PKHD1: variants seen among roughly 807,000 people sequenced by gnomAD.
PKHD1 encodes fibrocystin.
A neutral mutation model predicts 412.0 loss-of-function variants in PKHD1; 291 were observed. The observed-to-expected ratio is 0.71, with a 90% CI of 0.64 to 0.78. PKHD1 has a LOEUF of 0.78. Ranked by LOEUF, PKHD1 falls within the 30% of genes least tolerant of loss-of-function variation. The probability of loss-of-function intolerance (pLI) is 0.00; values close to 1 mark genes in which losing one functional copy is unlikely to be tolerated. For missense variants in PKHD1, 4,825 were observed against 4,950.7 expected, an observed-to-expected ratio of 0.97 and a Z score of 0.76; for synonymous variants, 1,777 against 1,821.5, an observed-to-expected ratio of 0.98 and a Z score of 0.62.
At chr6:51,925,713 T>C (rs1785472176) in intron 37 of PKHD1, among the ~76,000 whole-genome samples, 1 of 152,178 alleles carries the variant, frequency 6.6e-6, no homozygotes, top group Admixed American at 6.6e-5. Context: ...ACTTACACCA[T>C]TGGTCTTCCT....
intron 60 of PKHD1, among the ~76,000 whole-genome samples, chr6:51,704,967 G>A (rs949162141): frequency 1.3e-5 from 2 of 152,048 alleles, no homozygotes; most frequent in Non-Finnish European, 2.9e-5. Context: ...GGGAGAATAT[G>A]AAGAGGAGGC....
At chr6:51,620,787 C>CACAT (rs1766508460) in intron 66 of PKHD1, among the ~76,000 whole-genome samples, 1 of 146,836 alleles carries the variant, frequency 6.8e-6, no homozygotes, top group African/African-American at 2.5e-5. Flanking sequence ...ATTATATATA[C>CACAT]ATATATATAT....
intron 43 of PKHD1, among the ~76,000 whole-genome samples, chr6:51,895,687 C>G (rs1331669506): frequency 6.6e-6 from 1 of 152,130 alleles, no homozygotes; most frequent in Non-Finnish European, 1.5e-5. Context: ...ATAGGAACAG[C>G]TCCGGTCTAC....
chr6:51,857,787 C>A (rs560313604), intron 48 of PKHD1, among the ~76,000 whole-genome samples: 102 of 152,244 alleles, frequency 6.7e-4, no homozygotes, highest in South Asian at 1.7e-3. Context: ...AGATCATTGA[C>A]CCTGGCAATG....
At chr6:51,885,833 C>A in intron 45 of PKHD1, 34 bp downstream of exon 45, 1 of 1,349,792 alleles carries the variant, frequency 7.4e-7, no homozygotes, top group Non-Finnish European at 1.1e-6. Context: ...ATTTTAAAAA[C>A]AACAACAATA....
chr6:51,955,940 T>C (rs1189357853), intron 36 of PKHD1, among the ~76,000 whole-genome samples: 1 of 152,086 alleles, frequency 6.6e-6, no homozygotes, highest in Non-Finnish European at 1.5e-5. Flanking sequence ...TAGTAACTAA[T>C]ATTTGGAGGG....
chr6:51,918,374 G>C (rs1467183861), intron 37 of PKHD1, among the ~76,000 whole-genome samples: 1 of 151,936 alleles, frequency 6.6e-6, no homozygotes, highest in Non-Finnish European at 1.5e-5. Context: ...ACAGGCCCTG[G>C]TGTGTGATGT....
chr6:51,851,480 T>C (rs1386223585), intron 49 of PKHD1, among the ~76,000 whole-genome samples: 14 of 152,248 alleles, frequency 9.2e-5, no homozygotes, highest in Admixed American at 9.2e-4. Flanking sequence ...TGGTACCAGT[T>C]CCTCTTTGTA....
chr6:51,655,621 C>T (rs996718449), intron 61 of PKHD1, among the ~76,000 whole-genome samples: 2 of 152,112 alleles, frequency 1.3e-5, no homozygotes, highest in Non-Finnish European at 2.9e-5. Context: ...TAACAAATTA[C>T]CACAGTCAGT....
At chr6:51,619,774 A>G (rs1169166386) in intron 66 of PKHD1, among the ~76,000 whole-genome samples, 1 of 152,168 alleles carries the variant, frequency 6.6e-6, no homozygotes, top group Admixed American at 6.5e-5. Flanking sequence ...CTAGGCTTCA[A>G]TGCAAAAACC....
In PKHD1 at chr6:51,619,011, T is replaced by TC; in HGVS notation, c.*69dup. The stretch of plus-strand genomic sequence containing the variant: ...TTGTCCCAGCAGGACAGTCCTCACT[T>TC]CCCCAGCTTATTATCCAGAAATACT... On this transcript the variant is annotated 3_prime_UTR_variant, in exon 67 of 67. Transcript: ENST00000371117. 7.0e-7 allele frequency: 1 copy of TC among 1,418,500 alleles called. No individual in the cohort carries two copies. The highest frequency in any genetic ancestry group is 1.7e-5 in the Admixed American group (1 of 59,788). The allele number at this position is 1,418,500 out of a possible 1,614,324, so 87.9% of individuals were successfully genotyped here. A position where few individuals can be genotyped will look rare whatever the true frequency, so the allele number is the denominator to read the frequency against.
chr6:52,022,958 G>C lies in PKHD1; in HGVS notation c.5237-14C>G. The C allele has an allele frequency of 6.2e-7, 1 of 1,613,920 alleles. No homozygotes were observed. The highest frequency in any genetic ancestry group is 8.5e-7 in the Non-Finnish European group (1 of 1,179,954). ...CACCCAGGCAGCCTTTAAAGACAAA[G>C]GTACAAGTTCTTGATCATACAGGCA... is the stretch of plus-strand genomic sequence containing the variant. On this transcript the variant is annotated splice_polypyrimidine_tract_variant and intron_variant, in intron 32 of 66. Transcript: ENST00000371117.
At chr6:51,977,224 C>G (rs945653584) in intron 35 of PKHD1, among the ~76,000 whole-genome samples, 1 of 152,146 alleles carries the variant, frequency 6.6e-6, no homozygotes, top group African/African-American at 2.4e-5. Context: ...GAAAAGAAGG[C>G]AACCCTCAGT....
At chr6:51,626,335 A>G (rs1177316052) in intron 66 of PKHD1, among the ~76,000 whole-genome samples, 2 of 152,166 alleles carry the variant, frequency 1.3e-5, no homozygotes, top group Non-Finnish European at 2.9e-5. Context: ...CATGTATCAT[A>G]CCCATACTTG....
chr6:51,952,049 A>C (rs573903358), intron 36 of PKHD1, among the ~76,000 whole-genome samples: 61 of 152,260 alleles, frequency 4.0e-4, no homozygotes, highest in African/African-American at 1.4e-3. Flanking sequence ...AAAACTGTAA[A>C]TTGTTTAATA....
intron 8 of PKHD1, among the ~76,000 whole-genome samples, chr6:52,071,911 A>G (rs1190761998): frequency 1.3e-5 from 2 of 152,200 alleles, no homozygotes; most frequent in African/African-American, 4.8e-5. Flanking sequence ...AGGTTTTGGC[A>G]TCCACTTCAA....
intron 46 of PKHD1, among the ~76,000 whole-genome samples, chr6:51,880,779 T>TAAAAAAAAAAAAAAAAA (rs71544105): frequency 2.4e-3 from 72 of 30,038 alleles, no homozygotes; most frequent in Non-Finnish European, 2.2e-3. Context: ...AAAAAAAAAT[T>TAAAAAAAAAAAAAAAAA]AAAAAAAAAA....
At chr6:51,766,577 T>C (rs953355883) in intron 55 of PKHD1, among the ~76,000 whole-genome samples, 2 of 148,146 alleles carry the variant, frequency 1.4e-5, no homozygotes, top group Non-Finnish European at 3.0e-5. Flanking sequence ...GTGGCTTACA[T>C]ATTCAAACCC....
intron 35 of PKHD1, among the ~76,000 whole-genome samples, chr6:52,001,895 A>G (rs977948407): frequency 1.3e-5 from 2 of 152,242 alleles, no homozygotes; most frequent in South Asian, 2.1e-4. Context: ...ATAACAATTT[A>G]CAGAGTACTC....
Sources: gnomAD v4.1 joint callset for allele counts (sites outside exome capture counted in the v4.1 genomes callset) on GRCh38, gnomAD v4.1.1 for gene constraint, MANE v1.5 for transcripts, NCBI Gene and HGNC (gene_info 2026-07-23, HGNC 2026-07-21) for gene names.